RIMS2: variants seen among roughly 807,000 people sequenced by gnomAD.
RIMS2 encodes regulating synaptic membrane exocytosis 2.
Under a neutral mutation model 174.4 loss-of-function variants are expected in RIMS2, and 59 were observed. That is an observed-to-expected ratio of 0.34 (90% CI 0.27 to 0.42). The LOEUF (loss-of-function observed/expected upper bound fraction) is 0.42. RIMS2 is among the 10% of genes least tolerant of loss of function. RIMS2 has a pLI of 1.00. For missense variants in RIMS2, 1,620 were observed against 1,666.3 expected (o/e 0.97, Z 0.48); for synonymous variants, 606 against 572.5 (o/e 1.06, Z -0.84).
intron 1 of RIMS2, among the ~76,000 whole-genome samples, chr8:103,677,184 T>G (rs543202855): frequency 6.6e-6 from 1 of 152,136 alleles, no homozygotes; most frequent in Non-Finnish European, 1.5e-5. Context: ...CATTTTCACA[T>G]GGAATCTTGG....
intron 17 of RIMS2, 21 bp downstream of exon 19, chr8:103,989,442 T>C (rs751281226): frequency 8.4e-7 from 1 of 1,185,516 alleles, no homozygotes; most frequent in African/African-American, 1.5e-5. Flanking sequence ...TTAAATACTA[T>C]TAGACCTTAT....
intron 2 of RIMS2, among the ~76,000 whole-genome samples, chr8:103,744,037 TTTG>T (rs1210418436): frequency 3.3e-5 from 5 of 152,090 alleles, no homozygotes; most frequent in East Asian, 1.9e-4. Flanking sequence ...TGTAGGATTT[TTTG>T]TTGTTGTTTG....
rs569595938 is a variant in RIMS2 at position 104,141,343 on chromosome 8, T to C, written c.3335-103573T>C. On this transcript the variant is annotated intron_variant, in intron 19 of 23. Coordinates refer to ENST00000504942, the Ensembl canonical transcript of RIMS2. Reference sequence around the variant, plus strand: ...CAAGAGATAGTAAAGGTTCAATATATAGACAGACTAAAGAGTTTAAATAAA... The same window carrying C: ...CAAGAGATAGTAAAGGTTCAATATACAGACAGACTAAAGAGTTTAAATAAA... Among the ~76,000 whole-genome samples, 29 of 152,202 alleles carry C rather than the reference T, an allele frequency of 1.9e-4. 1 individual carries two copies. Among genetic ancestry groups the C allele is most frequent in the Non-Finnish European group, 2.5e-4 (17 of 68,036 alleles).
intron 13 of RIMS2, 82 bp downstream of exon 15, chr8:103,936,804 T>C (rs116878278): frequency 0.011 from 12,834 of 1,143,564 alleles, 241 homozygotes; most frequent in East Asian, 0.073. Context: ...ATAATTTCAT[T>C]TGTAGAATAG....
intron 1 of RIMS2, among the ~76,000 whole-genome samples, chr8:103,624,954 GTAAAGGAAA>G (rs1023466116): frequency 2.6e-5 from 4 of 152,220 alleles, no homozygotes; most frequent in Non-Finnish European, 4.4e-5. Context: ...ATATGGAAGG[GTAAAGGAAA>G]TAAAGGAAAT....
chr8:103,681,424 T>G (rs1371435959), intron 1 of RIMS2, among the ~76,000 whole-genome samples: 1 of 151,846 alleles, frequency 6.6e-6, no homozygotes, highest in Non-Finnish European at 1.5e-5. Flanking sequence ...GGAAGGGAAA[T>G]CAAATTGGGG....
intron 3 of RIMS2, among the ~76,000 whole-genome samples, chr8:103,842,686 T>G (rs1168194187): frequency 2.0e-5 from 3 of 152,216 alleles, no homozygotes; most frequent in Admixed American, 2.0e-4. Context: ...TCATTGTCAT[T>G]GATTTCTTTC....
intron 15 of RIMS2, among the ~76,000 whole-genome samples, chr8:103,972,286 T>G (rs966413075): frequency 6.6e-6 from 1 of 152,232 alleles, no homozygotes; most frequent in African/African-American, 2.4e-5. Flanking sequence ...GTCAGAATTT[T>G]AGATTTGTTC....
At chr8:104,062,076 TC>T (rs1164862707) in intron 19 of RIMS2, among the ~76,000 whole-genome samples, 3 of 152,182 alleles carry the variant, frequency 2.0e-5, no homozygotes, top group Non-Finnish European at 2.9e-5. Context: ...AGTAATTTTT[TC>T]ACAATTTTTA....
intron 19 of RIMS2, among the ~76,000 whole-genome samples, chr8:104,205,166 CTA>C (rs1302091845): frequency 6.6e-6 from 1 of 152,112 alleles, no homozygotes; most frequent in East Asian, 1.9e-4. Context: ...AATGTGAAAA[CTA>C]TACCTTTTTC....
At chr8:104,035,386 T>G in intron 19 of RIMS2, among the ~76,000 whole-genome samples, 1 of 152,042 alleles carries the variant, frequency 6.6e-6, no homozygotes, top group East Asian at 1.9e-4. Flanking sequence ...TTTTAATGTG[T>G]ACATAAGCTC....
At chr8:104,013,411 C>G (rs1444005763) in intron 17 of RIMS2, 31 bp from the exon 20 acceptor site, 6 of 1,597,982 alleles carry the variant, frequency 3.8e-6, no homozygotes, top group Non-Finnish European at 5.1e-6. Flanking sequence ...CACTAAAGAT[C>G]AACTGAGCTG....
At chr8:103,756,979 C>CTG (rs71575983) in intron 2 of RIMS2, among the ~76,000 whole-genome samples, 45,179 of 134,056 alleles carry the variant, frequency 0.34, 7,593 homozygotes, top group East Asian at 0.57. Flanking sequence ...GTGTGTGTGT[C>CTG]TGTGTGTGTG....
chr8:104,222,365 A>C (rs534175109), intron 19 of RIMS2, among the ~76,000 whole-genome samples: 1 of 152,346 alleles, frequency 6.6e-6, no homozygotes, highest in African/African-American at 2.4e-5. Context: ...TCAAGCAAGT[A>C]ACTTGTACAT....
At chr8:103,544,938 CAT>C (rs745808747) in intron 1 of RIMS2, among the ~76,000 whole-genome samples, 30 of 152,286 alleles carry the variant, frequency 2.0e-4, no homozygotes, top group African/African-American at 7.0e-4. Context: ...TCAGCCCACA[CAT>C]GTGAAAAAAC....
At chr8:103,910,714 G>A (rs996135142) in intron 5 of RIMS2, among the ~76,000 whole-genome samples, 185 bp downstream of exon 8, 1 of 152,066 alleles carries the variant, frequency 6.6e-6, no homozygotes, top group East Asian at 1.9e-4. Context: ...AAAACCTCTT[G>A]CTTGCTTTGC....
chr8:104,192,159 A>T (rs2099001177), intron 19 of RIMS2, among the ~76,000 whole-genome samples: 1 of 152,220 alleles, frequency 6.6e-6, no homozygotes, highest in South Asian at 2.1e-4. Flanking sequence ...TTCCAGTAGG[A>T]AAAACATATG....
intron 1 of RIMS2, among the ~76,000 whole-genome samples, chr8:103,685,248 G>A (rs554332396): frequency 6.6e-6 from 1 of 152,096 alleles, no homozygotes; most frequent in African/African-American, 2.4e-5. Context: ...TGCTGTCATT[G>A]GCTTCTGGTG....
intron 20 of RIMS2, among the ~76,000 whole-genome samples, chr8:104,248,034 AAAGCAGTGGGAGACAGTGCTTCAAGG>A (rs2099345605): frequency 6.6e-6 from 1 of 152,192 alleles, no homozygotes; most frequent in South Asian, 2.1e-4. Flanking sequence ...GAGTGTGCAG[AAAGCAGTGGGAGACAGTGCTTCAAGG>A]AAGAGGGGGC....
Sources: allele counts gnomAD v4.1 joint callset (sites outside exome capture counted in the v4.1 genomes callset), GRCh38; gene constraint gnomAD v4.1.1; transcripts MANE v1.5; gene names NCBI Gene and HGNC (gene_info 2026-07-23, HGNC 2026-07-21).